Variants in NDE1 observed in about 807,000 individuals in gnomAD.
The protein encoded by NDE1 is nudE neurodevelopment protein 1, also known as nuclear distribution protein nudE homolog 1.
Under a neutral mutation model 43.4 loss-of-function variants are expected in NDE1, and 28 were observed. The observed-to-expected ratio is 0.65, with a 90% confidence interval of 0.48 to 0.89. The LOEUF (loss-of-function observed/expected upper bound fraction) is 0.89. NDE1 is among the 40% of genes least tolerant of loss of function. The pLI is 0.00. For synonymous variants in NDE1, 184 were observed against 172.0 expected (o/e 1.07, Z -0.55); for missense variants, 441 against 434.1 (o/e 1.02, Z -0.14).
chr16:15,698,127 A>C (rs1237986452), intron 8 of NDE1, among the ~76,000 whole-genome samples: 1 of 151,958 alleles, frequency 6.6e-6, no homozygotes, highest in Non-Finnish European at 1.5e-5. Context: ...AAATCTGTAG[A>C]ACCTTTGAGA....
rs932763548 is a variant in NDE1 at position 15,712,720 on chromosome 16, C to T, written c.948-11471C>T. 5.9e-5 allele frequency among the ~76,000 whole-genome samples: 9 copies of T among 151,806 alleles called. No individual in the cohort carries two copies. The South Asian group carries it at 6.2e-4, about 11-fold the overall frequency. On this transcript the variant is annotated intron_variant, in intron 8 of 8. Transcript: ENST00000396354. ...GGGGACAAGCAGGTGTGGATGGTGT[C>T]GGGGAAGTCCAGGGAAGCAAGTGAA...
chr16:15,664,065 T>C (rs1465103209), intron 1 of NDE1, among the ~76,000 whole-genome samples: 1 of 152,062 alleles, frequency 6.6e-6, no homozygotes, highest in Non-Finnish European at 1.5e-5. Flanking sequence ...CAAGAGTCTG[T>C]CTCAAATAAT....
In NDE1 at chr16:15,691,252, C is replaced by T. The variant is rs886051724; in HGVS notation, c.632C>T (p.Ser211Phe). 1.2e-6 allele frequency: 2 copies of T among 1,614,180 alleles called. No individual in the cohort carries two copies. The highest frequency in any genetic ancestry group is 1.1e-5 in the South Asian group (1 of 91,086). The change falls in exon 6 of 9, where the codon TCC becomes TTC. Residue 211 changes from serine (S) to phenylalanine (F), a missense_variant. Coordinates refer to ENST00000396354, the MANE Select transcript of NDE1 (RefSeq NM_017668.3). ...GACACAGCTGTGCAGGCCACGGGCT[C>T]CGTGCCGTCCACGCCCATTGCTCAC... The part of the protein sequence containing the change: ...RTDTAVQATG[S>F]VPSTPIAHRG...
rs147233260 is a variant in NDE1 at position 15,694,206 on chromosome 16, G to T, written c.745G>T (p.Ala249Ser). 18 of 1,613,268 alleles carry T rather than the reference G, an allele frequency of 1.1e-5. No homozygotes were observed. Among genetic ancestry groups the T allele is most frequent in the Non-Finnish European group, 2.5e-6 (3 of 1,180,048 alleles). ...CGGGGGGACCCCCCTCACACCTGCG[G>T]CCCGGATATCAGCCCTCAACATTGT... ...STGGTPLTPAARISALNIVGD... is the reference protein window; with the variant it reads ...STGGTPLTPASRISALNIVGD... Residue 249 changes from alanine (A) to serine (S), a missense_variant, in exon 7 of 9, where the codon GCC (alanine) becomes TCC (serine). Transcript: ENST00000396354.
chr16:15,664,640 C>T lies in NDE1; in HGVS notation c.-43-96C>T, dbSNP rs538938957. 896 of 734,638 alleles carry T rather than the reference C, an allele frequency of 1.2e-3. 10 individuals carry two copies. The highest frequency in any genetic ancestry group is 7.0e-3 in the East Asian group (282 of 40,442). 45.5% of individuals were successfully genotyped at this position (734,638 alleles called of 1,614,324 possible). A position where few individuals can be genotyped will look rare whatever the true frequency, so the allele number is the denominator to read the frequency against. ...AAAGTGCTGGGATTATAGGCGTGAGCCACCGCGCCTGGCCAAGTTTTTTTT... is the reference window on the plus strand; with the variant it reads ...AAAGTGCTGGGATTATAGGCGTGAGTCACCGCGCCTGGCCAAGTTTTTTTT... On this transcript the variant is annotated intron_variant, in intron 1 of 8. Coordinates refer to ENST00000396354, the MANE Select transcript of NDE1 (RefSeq NM_017668.3).
intron 4 of NDE1, among the ~76,000 whole-genome samples, chr16:15,678,374 TG>T (rs2037995691): frequency 6.6e-6 from 1 of 152,120 alleles, no homozygotes; most frequent in African/African-American, 2.4e-5. Flanking sequence ...AACAGTTTTT[TG>T]TTTTTTTTTG....
rs1370418815 is a variant in NDE1 at position 15,650,293 on chromosome 16, G to T, written c.-45G>T. 3.3e-6 allele frequency: 1 copy of T among 303,632 alleles called. No homozygotes were observed. The highest frequency in any genetic ancestry group is 2.4e-5 in the South Asian group (1 of 41,382). The allele number at this position is 303,632 out of a possible 1,614,324, so 18.8% of individuals were successfully genotyped here. On this transcript the variant is annotated splice_region_variant and 5_prime_UTR_variant, in exon 1 of 9. Transcript: ENST00000396354. ...CGCGTTGGCCTCGCCGCCCCTGCTC[G>T]GGTAAGTGAGGCGCTGCGCGGGGCT...
At position 15,667,638 on chromosome 16, in the gene NDE1, T is replaced by G. The variant is rs548006824; in HGVS notation, c.237+199T>G. On this transcript the variant is annotated intron_variant, in intron 3 of 8. Transcript: ENST00000396354. ...GGGTGGTGCTTTTTGTTTTGTTTTT[T>G]TTTTTTTTTTGAGATGGAGTTTCAC... is the stretch of plus-strand genomic sequence containing the variant. 4.4e-4 allele frequency among the ~76,000 whole-genome samples: 65 copies of G among 147,552 alleles called. 2 individuals are homozygous for G. In the East Asian group the frequency reaches 7.9e-3, roughly 18 times the overall value.
chr16:15,724,453 G>T lies in NDE1; in HGVS notation c.*202G>T. The T allele has an allele frequency of 6.2e-7, 1 of 1,611,192 alleles. No homozygotes were observed. ...GGGTAGGGTGAGAGGGGGACCATGA[G>T]TGGCCCCTGTCCCTGGCCCCACAGA... On this transcript the variant is annotated 3_prime_UTR_variant, in exon 9 of 9. Coordinates refer to ENST00000396354, the MANE Select transcript of NDE1 (RefSeq NM_017668.3).
At chr16:15,643,638 G>A in exon 1 of NDE1, 1 of 273,760 alleles carries the variant, frequency 3.7e-6, no homozygotes. Context: ...ATTAAATGGC[G>A]CATATTCCCC....
chr16:15,708,311 T>C (rs2039578191), intron 8 of NDE1, among the ~76,000 whole-genome samples: 1 of 152,152 alleles, frequency 6.6e-6, no homozygotes, highest in Non-Finnish European at 1.5e-5. Flanking sequence ...ACCGTGAACT[T>C]TGTGATCTCT....
At chr16:15,719,662 C>G in intron 8 of NDE1, 1 of 1,614,220 alleles carries the variant, frequency 6.2e-7, no homozygotes, top group Non-Finnish European at 8.5e-7. Flanking sequence ...AAGATCTCAT[C>G]TCTGGAGGCA....
chr16:15,697,063 T>G lies in NDE1; in HGVS notation c.947+203T>G, dbSNP rs1406278707. 5 of 1,487,754 alleles carry G rather than the reference T, an allele frequency of 3.4e-6. No individual in the cohort carries two copies. In the Admixed American group the frequency reaches 8.7e-5, roughly 26 times the overall value. The allele number at this position is 1,487,754 out of a possible 1,614,324, so 92.2% of individuals were successfully genotyped here. A position where few individuals can be genotyped will look rare whatever the true frequency, so the allele number is the denominator to read the frequency against. ...AAAGGGCTAGAGAGAGGGTCTTGTT[T>G]TGTGAGACAGGGTCTCACTCTGTCA... is the stretch of plus-strand genomic sequence containing the variant. On this transcript the variant is annotated intron_variant, in intron 8 of 8. Transcript: ENST00000396354.
intron 3 of NDE1, among the ~76,000 whole-genome samples, chr16:15,673,918 C>T (rs996000202): frequency 2.6e-5 from 4 of 152,214 alleles, no homozygotes; most frequent in African/African-American, 7.2e-5. Context: ...AGCATAATTG[C>T]TTAAGGACAC....
At position 15,692,618 on chromosome 16, in the gene NDE1, C is replaced by T. The variant is rs907513088; in HGVS notation, c.703+1295C>T. Among the ~76,000 whole-genome samples, 7 of 151,856 alleles carry T rather than the reference C, an allele frequency of 4.6e-5. No homozygotes were observed. The South Asian group carries it at 1.0e-3, about 23-fold the overall frequency. The stretch of plus-strand genomic sequence containing the variant: ...AGAGATGGGGTTTCACCATGTTGGC[C>T]GGGCTGGTCTCAAACTACTGACCTC... On this transcript the variant is annotated intron_variant, in intron 6 of 8. Coordinates refer to ENST00000396354, the MANE Select transcript of NDE1 (RefSeq NM_017668.3).
At chr16:15,694,344 T>A (rs1334606404) in intron 7 of NDE1, 88 bp downstream of exon 7, 1 of 1,552,186 alleles carries the variant, frequency 6.4e-7, no homozygotes, top group South Asian at 1.2e-5. Context: ...TTCCCTCTCT[T>A]CTTTTTTTCT....
chr16:15,717,426 C>T, intron 8 of NDE1: 3 of 1,483,242 alleles, frequency 2.0e-6, no homozygotes, highest in East Asian at 2.3e-5. Flanking sequence ...CTCTTCCTGC[C>T]TTGTTTGGCC....
At chr16:15,677,047 G>C (rs1042089839) in intron 3 of NDE1, among the ~76,000 whole-genome samples, 2 of 152,108 alleles carry the variant, frequency 1.3e-5, no homozygotes, top group African/African-American at 4.8e-5. Flanking sequence ...TTGAGAGTAG[G>C]CAAGATTCAA....
intron 1 of NDE1, among the ~76,000 whole-genome samples, chr16:15,644,869 T>C (rs1011730445): frequency 1.3e-5 from 2 of 151,930 alleles, no homozygotes; most frequent in Non-Finnish European, 2.9e-5. Context: ...TTTTAAAAAA[T>C]AGTTTTTAGC....
Sources: allele counts gnomAD v4.1 joint callset (sites outside exome capture counted in the v4.1 genomes callset), GRCh38; gene constraint gnomAD v4.1.1; transcripts MANE v1.5; gene names NCBI Gene and HGNC (gene_info 2026-07-23, HGNC 2026-07-21).